Variants in ZNF143 observed in about 807,000 individuals in gnomAD.
ZNF143 encodes the protein SPH-binding factor.
ZNF143 carries 49 observed loss-of-function variants against 74.1 expected under a neutral mutation model. That is an observed-to-expected ratio of 0.66 (90% CI 0.53 to 0.84). The LOEUF (loss-of-function observed/expected upper bound fraction) is 0.84, where lower values mean the gene tolerates loss of function less well. Among genes scored for constraint, ZNF143 ranks in the 40% least tolerant of loss-of-function variants. ZNF143 has a pLI of 0.00. For missense variants in ZNF143, 637 were observed against 793.4 expected (o/e 0.80, Z 2.37); for synonymous variants, 304 against 282.8 (o/e 1.07, Z -0.75).
In ZNF143 at chr11:9,479,455, T is replaced by C. The variant is rs759924030; in HGVS notation, c.571-17T>C. ...TCAAAATGTAAAACATTTTAAAGCTTTATTTTATTCCTATAGGTGTCCATT... is the reference window on the plus strand; with the variant it reads ...TCAAAATGTAAAACATTTTAAAGCTCTATTTTATTCCTATAGGTGTCCATT... On this transcript the variant is annotated splice_polypyrimidine_tract_variant and intron_variant, in intron 6 of 15. Coordinates refer to ENST00000396602, the MANE Select transcript of ZNF143 (RefSeq NM_003442.6). The C allele has an allele frequency of 6.2e-7, 1 of 1,601,312 alleles. No homozygotes were observed. The highest frequency in any genetic ancestry group is 1.1e-5 in the South Asian group (1 of 89,346).
rs549679295 is a variant in ZNF143, at chr11:9,520,218, TAG to T, written c.1686+3861_1686+3862del. The stretch of plus-strand genomic sequence containing the variant: ...GCCCAGCTAATTTTTGTATTTTTAG[TAG>T]AGAGGGGGTTTCACCATGTTGGTCA... On this transcript the variant is annotated intron_variant, in intron 14 of 15. Transcript: ENST00000396602. Among the ~76,000 whole-genome samples, 499 of 151,004 alleles carry T rather than the reference TAG, an allele frequency of 3.3e-3. 3 individuals carry two copies. The highest frequency in any genetic ancestry group is 0.011 in the African/African-American group (444 of 41,134).
chr11:9,520,969 A>G (rs1446014574), intron 14 of ZNF143, among the ~76,000 whole-genome samples: 6 of 152,174 alleles, frequency 3.9e-5, no homozygotes, highest in Non-Finnish European at 2.9e-5. Context: ...GCTGGATTCA[A>G]TTAGCTAATA....
chr11:9,484,714 T>C lies in ZNF143; in HGVS notation c.645+5168T>C, dbSNP rs547097029. Among the ~76,000 whole-genome samples, 83 of 145,154 alleles carry C rather than the reference T, an allele frequency of 5.7e-4. 1 individual carries two copies. The highest frequency in any genetic ancestry group is 1.1e-3 in the Non-Finnish European group (75 of 66,822). On this transcript the variant is annotated intron_variant, in intron 7 of 15. Transcript: ENST00000396602. ...GCTCACTGTAACCTCCACCTCCCAG[T>C]TGAACTCCTGACCTCCAGTGATCCA...
chr11:9,506,151 C>T (rs556848345), intron 11 of ZNF143, among the ~76,000 whole-genome samples: 15 of 152,096 alleles, frequency 9.9e-5, no homozygotes, highest in South Asian at 2.1e-4. Context: ...GCCAACATGG[C>T]GAAACCAATT....
chr11:9,492,746 C>A (rs1292207816), intron 7 of ZNF143, among the ~76,000 whole-genome samples: 1 of 152,076 alleles, frequency 6.6e-6, no homozygotes, highest in African/African-American at 2.4e-5. Context: ...TCAGGGTGAA[C>A]CTAGCACTGT....
At chr11:9,520,692 G>A (rs748790047) in intron 14 of ZNF143, among the ~76,000 whole-genome samples, 2 of 152,178 alleles carry the variant, frequency 1.3e-5, no homozygotes, top group African/African-American at 2.4e-5. Flanking sequence ...AGGAGGCTGA[G>A]GCAGGAGAAT....
rs1472995793 is a variant in ZNF143 at position 9,472,764 on chromosome 11, C to A, written c.200C>A (p.Ser67Tyr). 3 of 1,575,276 alleles carry A rather than the reference C, an allele frequency of 1.9e-6. No individual in the cohort carries two copies. The Admixed American group carries it at 5.8e-5, about 31-fold the overall frequency. Residue 67 changes from serine (S) to tyrosine (Y), a missense_variant, in exon 3 of 16, where the codon TCT (serine) becomes TAT (tyrosine). By Grantham distance (144) the Ser-to-Tyr change is moderately radical. This residue lies in a region of ZNF143 where 293 missense variants were observed against 307.8 expected (regional missense o/e 0.95). Coordinates refer to ENST00000396602, the MANE Select transcript of ZNF143 (RefSeq NM_003442.6). ...DGSTAYIQHNSKDAKLIDGQV... is the reference protein window; with the variant it reads ...DGSTAYIQHNYKDAKLIDGQV... ...TCTACTGCTTACATACAACACAATT[C>A]TAAAGGTATGTGCCTCACATATGGC...
At chr11:9,467,784 C>G (rs1439601819) in intron 1 of ZNF143, among the ~76,000 whole-genome samples, 2 of 142,584 alleles carry the variant, frequency 1.4e-5, no homozygotes, top group Non-Finnish European at 3.0e-5. Flanking sequence ...GTGGAAGTTA[C>G]AGTGAGCTGA....
At chr11:9,471,068 T>TAGCAA in intron 1 of ZNF143, 2 of 252,224 alleles carry the variant, frequency 7.9e-6, no homozygotes, top group South Asian at 2.3e-4. Flanking sequence ...TCAGTGTACT[T>TAGCAA]CTAAGTTGCT....
chr11:9,465,644 C>T (rs1055729263), intron 1 of ZNF143, among the ~76,000 whole-genome samples: 3 of 148,558 alleles, frequency 2.0e-5, no homozygotes, highest in Non-Finnish European at 4.5e-5. Context: ...GGACTATAGG[C>T]GCCCGCCACC....
intron 12 of ZNF143, among the ~76,000 whole-genome samples, chr11:9,510,249 T>C (rs1848495275): frequency 1.3e-5 from 2 of 151,876 alleles, no homozygotes; most frequent in Admixed American, 6.6e-5. Flanking sequence ...CTCAGCTTCC[T>C]GAGTAGCTGG....
rs376210321 is a variant in ZNF143, at chr11:9,473,188, C to T, written c.205+419C>T. Among the ~76,000 whole-genome samples, 156 of 151,932 alleles carry T rather than the reference C, an allele frequency of 1.0e-3. 1 individual carries two copies. The highest frequency in any genetic ancestry group is 3.5e-3 in the African/African-American group (147 of 41,468). ...GGCAGATCACCTGAGGTCGGGAGTT[C>T]GAGACCAGCCTGACCAACATGGAGA... On this transcript the variant is annotated intron_variant, in intron 3 of 15. Transcript: ENST00000396602.
At position 9,520,335 on chromosome 11, in the gene ZNF143, T is replaced by A. The variant is rs527387852; in HGVS notation, c.1686+3973T>A. 1.2e-3 allele frequency among the ~76,000 whole-genome samples: 186 copies of A among 149,954 alleles called. 1 individual carries two copies. Among genetic ancestry groups the A allele is most frequent in the Non-Finnish European group, 1.8e-3 (123 of 67,328 alleles). Reference sequence around the variant, plus strand: ...CTGTGCCTGTCCAATTTTTTTTTTTTTTTTTTTTTTTAATTAGCAAAGCAT... The same window carrying A: ...CTGTGCCTGTCCAATTTTTTTTTTTATTTTTTTTTTTAATTAGCAAAGCAT... On this transcript the variant is annotated intron_variant, in intron 14 of 15. Transcript: ENST00000396602.
Position 9,494,660 on chromosome 11 carries a change from A to G in ZNF143, c.660A>G (p.Gly220=), listed in dbSNP as rs2134046911. 1 of 1,613,904 alleles carries G rather than the reference A, an allele frequency of 6.2e-7. No individual in the cohort carries two copies. The highest frequency in any genetic ancestry group is 2.2e-5 in the East Asian group (1 of 44,854). ...QEKKMQIVLQ[G]HATRVTAKSQ... is the part of the protein sequence containing the mutation. Reference sequence around the variant, plus strand: ...GTTTTATTTAGATTGTTTTACAAGGACATGCTACAAGAGTAACTGCTAAAT... The same window carrying G: ...GTTTTATTTAGATTGTTTTACAAGGGCATGCTACAAGAGTAACTGCTAAAT... Residue 220 remains glycine, a synonymous_variant, in exon 8 of 16, where the codon GGA becomes GGG. Transcript: ENST00000396602.
intron 2 of ZNF143, among the ~76,000 whole-genome samples, chr11:9,471,930 C>A (rs1205107106): frequency 8.6e-6 from 1 of 116,108 alleles, no homozygotes; most frequent in Non-Finnish European, 1.8e-5. Context: ...CTTTTCTTTT[C>A]TTTTGTTTTT....
intron 14 of ZNF143, among the ~76,000 whole-genome samples, chr11:9,520,548 T>C (rs566101985): frequency 3.8e-4 from 58 of 151,860 alleles, no homozygotes; most frequent in South Asian, 2.3e-3. Flanking sequence ...ATCCCAGGAA[T>C]TTGGGAGGCT....
At chr11:9,478,348 A>T (rs1385413111) in intron 5 of ZNF143, 42 bp from the exon 6 acceptor site, 6 of 1,586,806 alleles carry the variant, frequency 3.8e-6, no homozygotes, top group Non-Finnish European at 5.2e-6. Context: ...TATTTGTCAG[A>T]TTTTACCTTT....
chr11:9,479,408 A>G (rs1397867952), intron 6 of ZNF143, 64 bp from the exon 7 acceptor site: 3 of 1,364,708 alleles, frequency 2.2e-6, no homozygotes, highest in African/African-American at 3.0e-5. Flanking sequence ...TGAACCATGT[A>G]CTTAACCAGC....
chr11:9,488,652 T>C (rs1362241645), intron 7 of ZNF143, among the ~76,000 whole-genome samples: 1 of 152,222 alleles, frequency 6.6e-6, no homozygotes, highest in African/African-American at 2.4e-5. Flanking sequence ...TATTATATTC[T>C]ATTATAATCC....
Sources: allele counts gnomAD v4.1 joint callset (sites outside exome capture counted in the v4.1 genomes callset), GRCh38; gene constraint gnomAD v4.1.1; regional missense constraint gnomAD v4.1.1; transcripts MANE v1.5; gene names NCBI Gene and HGNC (gene_info 2026-07-23, HGNC 2026-07-21).